COG2: variants seen among roughly 807,000 people sequenced by gnomAD.
COG2 encodes conserved oligomeric Golgi complex subunit 2.
In COG2, 52 loss-of-function variants were observed where a neutral mutation model predicts 90.6. The ratio of observed to expected loss-of-function variants is 0.57; its 90% CI spans 0.46 to 0.72. The LOEUF (loss-of-function observed/expected upper bound fraction) is 0.72, where lower values mean the gene tolerates loss of function less well. COG2 is among the 30% of genes least tolerant of loss of function. COG2 has a pLI of 0.00. For missense variants in COG2, 829 were observed against 891.2 expected (o/e 0.93, Z 0.89); for synonymous variants, 337 against 320.4 (o/e 1.05, Z -0.55).
At chr1:230,649,680 A>G (rs1441421398) in intron 1 of COG2, among the ~76,000 whole-genome samples, 2 of 151,912 alleles carry the variant, frequency 1.3e-5, no homozygotes, top group African/African-American at 4.8e-5. Flanking sequence ...TTATTTATTT[A>G]TTTATTGGGT....
intron 1 of COG2, among the ~76,000 whole-genome samples, chr1:230,655,804 A>G (rs1025676724): frequency 2.0e-5 from 3 of 152,192 alleles, no homozygotes; most frequent in South Asian, 2.1e-4. Flanking sequence ...CAGGGATTCA[A>G]CTTCTTCCAG....
chr1:230,642,764 T>G (rs1661656217), intron 1 of COG2, 86 bp downstream of exon 1: 1 of 1,327,820 alleles, frequency 7.5e-7, no homozygotes, highest in South Asian at 1.3e-5. Context: ...GGTCGGCTGC[T>G]CCTGCCTGCG....
chr1:230,662,587 G>A (rs949354237), intron 3 of COG2, among the ~76,000 whole-genome samples: 2 of 152,082 alleles, frequency 1.3e-5, no homozygotes, highest in African/African-American at 4.8e-5. Flanking sequence ...ACTTTTTCAT[G>A]ATATATTAGT....
chr1:230,687,228 G>A (rs1662905779), intron 13 of COG2, 96 bp downstream of exon 13: 1 of 1,051,380 alleles, frequency 9.5e-7, no homozygotes, highest in Non-Finnish European at 1.3e-6. Flanking sequence ...GCCTTACGGG[G>A]CTTAAATTGG....
chr1:230,679,045 C>G lies in COG2; in HGVS notation c.1159C>G (p.Gln387Glu). The G allele has an allele frequency of 1.2e-6, 2 of 1,611,664 alleles. No homozygotes were observed. The highest frequency in any genetic ancestry group is 1.7e-6 in the Non-Finnish European group (2 of 1,178,094). Residue 387 changes from glutamine (Q) to glutamate (E), a missense_variant, in exon 10 of 18, where the codon CAA (glutamine) becomes GAA (glutamate). Transcript: ENST00000366669. ...GAAGTGGAACTTGCCTGTTTATTTT[C>G]AAATAAGGTTGGTCATCTATTCACC... The part of the protein sequence containing the change: ...NKKWNLPVYF[Q>E]IRFREIAGSL...
chr1:230,659,939 T>G (rs1484778733), intron 2 of COG2, among the ~76,000 whole-genome samples: 1 of 152,250 alleles, frequency 6.6e-6, no homozygotes, highest in African/African-American at 2.4e-5. Flanking sequence ...TAGACCAATT[T>G]GCAAGAGCAA....
In COG2 at chr1:230,691,399, G is replaced by T. The variant is rs920552587; in HGVS notation, c.1950G>T (p.Val650=). The T allele has an allele frequency of 6.2e-7, 1 of 1,613,356 alleles. No individual in the cohort carries two copies. Among genetic ancestry groups the T allele is most frequent in the African/African-American group, 1.3e-5 (1 of 74,940 alleles). Reference sequence around the variant, plus strand: ...TCTATTCAAGGTACTATGAAACCGTGTCAGATGTATTAAACTCTGTGAAGA... The same window carrying T: ...TCTATTCAAGGTACTATGAAACCGTTTCAGATGTATTAAACTCTGTGAAGA... ...SESTHKYYET[V]SDVLNSVKKM... is the part of the protein sequence containing the mutation. Residue 650 remains valine (V), a synonymous_variant, in exon 17 of 18, where the codon GTG becomes GTT. Transcript: ENST00000366669.
Position 230,677,487 on chromosome 1 carries a change from A to C in COG2, c.1027-1426A>C, listed in dbSNP as rs190550789. 4.2e-4 allele frequency among the ~76,000 whole-genome samples: 64 copies of C among 152,362 alleles called. No individual in the cohort carries two copies. In the East Asian group the frequency reaches 8.9e-3, roughly 21 times the overall value. On this transcript the variant is annotated intron_variant, in intron 9 of 17. Coordinates refer to ENST00000366669, the MANE Select transcript of COG2 (RefSeq NM_007357.3). The stretch of plus-strand genomic sequence containing the variant: ...ATTGTCCCATGTTACAGTGCATTGA[A>C]TAACAGGATTGTGCCATTTTCAATA...
intron 6 of COG2, chr1:230,669,056 A>G (rs1041702576): frequency 4.4e-6 from 2 of 452,780 alleles, no homozygotes; most frequent in East Asian, 6.7e-5. Context: ...TAATTTATCC[A>G]AAGCCCTTAA....
intron 15 of COG2, among the ~76,000 whole-genome samples, chr1:230,689,300 G>A (rs1662964668): frequency 6.6e-6 from 1 of 152,202 alleles, no homozygotes; most frequent in African/African-American, 2.4e-5. Context: ...ATTATTGTCT[G>A]ATTTGAAGCT....
At chr1:230,692,582 A>G (rs1293927388) in intron 17 of COG2, among the ~76,000 whole-genome samples, 1 of 152,190 alleles carries the variant, frequency 6.6e-6, no homozygotes, top group African/African-American at 2.4e-5. Context: ...CCAATGAGCA[A>G]AAGAAAGGGA....
At chr1:230,684,517 G>A (rs2102770696) in intron 11 of COG2, 1 of 152,694 alleles carries the variant, frequency 6.5e-6, no homozygotes, top group South Asian at 2.1e-4. Context: ...TATTCCTAGT[G>A]ACCACTGAAA....
In COG2 at chr1:230,688,227, A is replaced by G. The variant is rs1662932639; in HGVS notation, c.1651+84A>G. On this transcript the variant is annotated intron_variant, in intron 14 of 17. Transcript: ENST00000366669. ...TCAGAGACTGTAGGGTATATTTAAC[A>G]TTTTCTTCTGTAGTTGTAAATCCTT... 6 of 1,221,250 alleles carry G rather than the reference A, an allele frequency of 4.9e-6. No individual in the cohort carries two copies. The Admixed American group carries it at 1.5e-4, about 30-fold the overall frequency. 75.7% of individuals were successfully genotyped at this position (1,221,250 alleles called of 1,614,324 possible). A position where few individuals can be genotyped will look rare whatever the true frequency, so the allele number is the denominator to read the frequency against.
intron 10 of COG2, chr1:230,681,704 C>G (rs1316553128): frequency 6.6e-6 from 1 of 152,206 alleles, no homozygotes; most frequent in Non-Finnish European, 1.5e-5. Flanking sequence ...AAAACCACAG[C>G]ATGGCTTTTC....
chr1:230,678,255 C>T (rs1050244984), intron 9 of COG2: 11 of 985,342 alleles, frequency 1.1e-5, no homozygotes, highest in Non-Finnish European at 1.3e-5. Context: ...GTCTTTTGAG[C>T]AGGTTCTCTG....
At chr1:230,679,345 A>G (rs540909861) in intron 10 of COG2, 18 of 245,848 alleles carry the variant, frequency 7.3e-5, no homozygotes, top group African/African-American at 1.1e-4. Flanking sequence ...GTCCTCATTC[A>G]TTGTGAAAAG....
At chr1:230,668,893 A>G (rs1294988241) in intron 6 of COG2, 109 bp downstream of exon 6, 3 of 679,562 alleles carry the variant, frequency 4.4e-6, no homozygotes, top group Admixed American at 3.0e-5. Context: ...CTAACCTTGC[A>G]TTTTTTTTCA....
intron 1 of COG2, among the ~76,000 whole-genome samples, chr1:230,659,250 G>C (rs914326832): frequency 2.0e-5 from 3 of 152,146 alleles, no homozygotes; most frequent in African/African-American, 7.2e-5. Context: ...AACAGAAGAG[G>C]ATGTTCTCAG....
chr1:230,653,353 T>TGGGA (rs774099998), intron 1 of COG2, among the ~76,000 whole-genome samples: 3 of 151,798 alleles, frequency 2.0e-5, no homozygotes, highest in Non-Finnish European at 4.4e-5. Context: ...CCCGAGTAAC[T>TGGGA]GGGAGTACAG....
Sources: allele counts gnomAD v4.1 joint callset (sites outside exome capture counted in the v4.1 genomes callset), GRCh38; gene constraint gnomAD v4.1.1; transcripts MANE v1.5; gene names NCBI Gene and HGNC (gene_info 2026-07-23, HGNC 2026-07-21).